MECOM: variants seen among roughly 807,000 people sequenced by gnomAD.
The protein encoded by MECOM is MDS1 and EVI1 complex locus, also known as histone-lysine N-methyltransferase MECOM.
MECOM carries 13 observed loss-of-function variants against 116.3 expected under a neutral mutation model. The ratio of observed to expected loss-of-function variants is 0.11; its 90% CI spans 0.07 to 0.18. MECOM has a LOEUF of 0.18. Among genes scored for constraint, MECOM ranks in the 10% least tolerant of loss-of-function variants. The pLI is 1.00. For synonymous variants in MECOM, 528 were observed against 535.2 expected (o/e 0.99, Z 0.19); for missense variants, 1,299 against 1,509.0 (o/e 0.86, Z 2.31).
intron 2 of MECOM, among the ~76,000 whole-genome samples, chr3:169,313,811 T>C (rs1719237721): frequency 6.6e-6 from 1 of 152,120 alleles, no homozygotes; most frequent in Non-Finnish European, 1.5e-5. Flanking sequence ...AAACTAGAGC[T>C]TGGGAATGGC....
intron 2 of MECOM, among the ~76,000 whole-genome samples, chr3:169,374,052 A>G (rs1168727126): frequency 2.0e-5 from 3 of 151,830 alleles, no homozygotes; most frequent in Non-Finnish European, 4.4e-5. Context: ...AGGTTAAATA[A>G]GTTCACAAGA....
At chr3:169,558,215 T>C (rs1242695421) in intron 1 of MECOM, among the ~76,000 whole-genome samples, 3 of 152,216 alleles carry the variant, frequency 2.0e-5, no homozygotes, top group East Asian at 1.9e-4. Context: ...CAATAAACTA[T>C]GACTAGGCAT....
chr3:169,235,850 G>A (rs1041302877), intron 2 of MECOM, among the ~76,000 whole-genome samples: 2 of 149,016 alleles, frequency 1.3e-5, no homozygotes, highest in Admixed American at 1.3e-4. Flanking sequence ...CATAGGTCCT[G>A]GAATCAAACC....
chr3:169,284,025 G>C (rs1461630689), intron 2 of MECOM, among the ~76,000 whole-genome samples: 2 of 152,164 alleles, frequency 1.3e-5, no homozygotes, highest in African/African-American at 4.8e-5. Flanking sequence ...TGGACAAAAG[G>C]TGCTTTGTAA....
intron 2 of MECOM, among the ~76,000 whole-genome samples, chr3:169,150,161 T>G (rs767249906): frequency 6.6e-6 from 1 of 152,214 alleles, no homozygotes; most frequent in Non-Finnish European, 1.5e-5. Context: ...CTGGCCTTGT[T>G]TCTCATGAAA....
At chr3:169,362,632 C>A (rs1413708129) in intron 2 of MECOM, among the ~76,000 whole-genome samples, 5 of 151,956 alleles carry the variant, frequency 3.3e-5, no homozygotes, top group Non-Finnish European at 7.4e-5. Flanking sequence ...GTAGATACTG[C>A]GGTTACCAAT....
In MECOM at chr3:169,346,423, A is replaced by G. The variant is rs569526817; in HGVS notation, c.375+34764T>C. 5.3e-5 allele frequency among the ~76,000 whole-genome samples: 8 copies of G among 152,234 alleles called. No homozygotes were observed. In the South Asian group the frequency reaches 1.7e-3, roughly 32 times the overall value. ...TGTTTCACATTCTAACTTATTTCATATGATCCTAACAATAACCCAAGGTTG... is the reference window on the plus strand; with the variant it reads ...TGTTTCACATTCTAACTTATTTCATGTGATCCTAACAATAACCCAAGGTTG... On this transcript the variant is annotated intron_variant, in intron 2 of 16. Transcript: ENST00000651503.
intron 3 of MECOM, among the ~76,000 whole-genome samples, chr3:169,143,002 A>G (rs1359327539): frequency 6.6e-6 from 1 of 151,974 alleles, no homozygotes; most frequent in Non-Finnish European, 1.5e-5. Context: ...AGGTATTGTC[A>G]TATGATATTA....
intron 2 of MECOM, among the ~76,000 whole-genome samples, chr3:169,316,303 G>A (rs1719733075): frequency 6.6e-6 from 1 of 152,204 alleles, no homozygotes; most frequent in African/African-American, 2.4e-5. Context: ...CTTGTTAAAA[G>A]GTGGTGGCCT....
intron 1 of MECOM, among the ~76,000 whole-genome samples, chr3:169,483,045 T>A (rs1751569756): frequency 6.6e-6 from 1 of 152,166 alleles, no homozygotes; most frequent in Admixed American, 6.5e-5. Flanking sequence ...ATCTTGGTAT[T>A]CACCTCAACT....
At position 169,531,519 on chromosome 3, in the gene MECOM, T is replaced by C. The variant is rs182970117; in HGVS notation, c.37+131817A>G. Among the ~76,000 whole-genome samples the C allele has an allele frequency of 2.0e-3, 307 of 152,304 alleles. 4 individuals are homozygous for C. Among genetic ancestry groups the C allele is most frequent in the African/African-American group, 7.1e-3 (294 of 41,560 alleles). ...AAGACATTTTTCCCCATTTTACACA[T>C]GGAAAAATATTGAACCTCAGCGAAA... On this transcript the variant is annotated intron_variant, in intron 1 of 16. Coordinates refer to ENST00000651503, the MANE Select transcript of MECOM (RefSeq NM_004991.4).
intron 16 of MECOM, among the ~76,000 whole-genome samples, 135 bp downstream of exon 16, chr3:169,088,847 ACAGTAAAGATATGAACAT>A (rs1718705846): frequency 6.6e-6 from 1 of 152,218 alleles, no homozygotes; most frequent in South Asian, 2.1e-4. Context: ...GGTCATAAAT[ACAGTAAAGATATGAACAT>A]TTTTAGAAAG....
intron 2 of MECOM, among the ~76,000 whole-genome samples, chr3:169,154,870 C>T (rs1002324191): frequency 6.6e-6 from 1 of 152,062 alleles, no homozygotes; most frequent in African/African-American, 2.4e-5. Context: ...ACTTCTAAAC[C>T]AACCATTTTT....
intron 2 of MECOM, among the ~76,000 whole-genome samples, chr3:169,242,035 T>TC (rs1754885290): frequency 6.6e-6 from 1 of 152,240 alleles, no homozygotes; most frequent in Non-Finnish European, 1.5e-5. Context: ...TATCTGATGA[T>TC]CTGTCGGCTA....
chr3:169,084,552 T>C lies in MECOM; in HGVS notation c.*357A>G, dbSNP rs1262237155. On this transcript the variant is annotated 3_prime_UTR_variant, in exon 17 of 17. Transcript: ENST00000651503. ...TCAGTTTCTATGGAGTGTTCATTCA[T>C]ATCAATGCTGCCATCTCAACTGCCC... 1 of 262,034 alleles carries C rather than the reference T, an allele frequency of 3.8e-6. No homozygotes were observed. The highest frequency in any genetic ancestry group is 2.2e-5 in the African/African-American group (1 of 46,238). The allele number at this position is 262,034 out of a possible 1,614,324, so 16.2% of individuals were successfully genotyped here. A position where few individuals can be genotyped will look rare whatever the true frequency, so the allele number is the denominator to read the frequency against.
intron 16 of MECOM, 48 bp downstream of exon 16, chr3:169,088,952 T>A (rs996872187): frequency 1.5e-6 from 2 of 1,361,510 alleles, no homozygotes; most frequent in Non-Finnish European, 1.9e-6. Flanking sequence ...GAAATGTACG[T>A]TTCATGCATA....
At chr3:169,417,528 A>G (rs1738875472) in intron 1 of MECOM, among the ~76,000 whole-genome samples, 1 of 152,008 alleles carries the variant, frequency 6.6e-6, no homozygotes, top group South Asian at 2.1e-4. Context: ...AACTAGTTCA[A>G]CCATTGTGGA....
chr3:169,641,647 A>G (rs144605473), intron 1 of MECOM, among the ~76,000 whole-genome samples: 277 of 152,344 alleles, frequency 1.8e-3, no homozygotes, highest in African/African-American at 6.2e-3. Context: ...TTAACAAAGC[A>G]TTCTCCAATG....
At chr3:169,533,659 G>A (rs1308761693) in intron 1 of MECOM, among the ~76,000 whole-genome samples, 1 of 143,500 alleles carries the variant, frequency 7.0e-6, no homozygotes, top group African/African-American at 2.6e-5. Flanking sequence ...TATCTGACAC[G>A]ACTTATTAGT....
Sources: gnomAD v4.1 joint callset for allele counts (sites outside exome capture counted in the v4.1 genomes callset) on GRCh38, gnomAD v4.1.1 for gene constraint, MANE v1.5 for transcripts, NCBI Gene and HGNC (gene_info 2026-07-23, HGNC 2026-07-21) for gene names.